The following PTRH1 variants were observed in gnomAD, a reference collection of about 807,000 sequenced individuals.
The protein encoded by PTRH1 is peptidyl-tRNA hydrolase 1 homolog.
A neutral mutation model predicts 15.7 loss-of-function variants in PTRH1; 13 were observed. The observed-to-expected ratio is 0.83, with a 90% CI of 0.54 to 1.31. The LOEUF (loss-of-function observed/expected upper bound fraction) is 1.31. Among genes scored for constraint, PTRH1 ranks in the 40% most tolerant of loss-of-function variants. PTRH1 has a pLI of 0.00. For synonymous variants in PTRH1, 139 were observed against 136.7 expected, an observed-to-expected ratio of 1.02 and a Z score of -0.12; for missense variants, 319 against 296.2, an observed-to-expected ratio of 1.08 and a Z score of -0.56.
rs147932084 is a variant in PTRH1 at position 127,699,901 on chromosome 9, T to C, written c.206-4760A>G. On this transcript the variant is annotated intron_variant, in intron 1 of 2. Coordinates refer to the PTRH1 transcript ENST00000335223. ...ACCTGGAGAAGTTACTTAACCTCAATTTTCCCATCAATATAATGGGAATAA... is the reference window on the plus strand; with the variant it reads ...ACCTGGAGAAGTTACTTAACCTCAACTTTCCCATCAATATAATGGGAATAA... 1.1e-4 allele frequency among the ~76,000 whole-genome samples: 16 copies of C among 152,122 alleles called. No homozygotes were observed. In the East Asian group the frequency reaches 3.1e-3, roughly 29 times the overall value.
downstream of PTRH1, chr9:127,711,771 C>T: frequency 6.5e-7 from 1 of 1,535,986 alleles, no homozygotes; most frequent in South Asian, 1.2e-5. Context: ...GTGTCTGCAG[C>T]TGGGGGACAG....
chr9:127,696,591 G>A (rs1035220479), intron 1 of PTRH1, among the ~76,000 whole-genome samples: 5 of 152,094 alleles, frequency 3.3e-5, no homozygotes, highest in Non-Finnish European at 5.9e-5. Context: ...GGGTGCGGAG[G>A]CTCACATCTG....
chr9:127,696,370 C>T (rs1413005895), intron 1 of PTRH1, among the ~76,000 whole-genome samples: 1 of 152,202 alleles, frequency 6.6e-6, no homozygotes, highest in African/African-American at 2.4e-5. Context: ...ATGTGCCAGG[C>T]ACTGAGTGCT....
intron 1 of PTRH1, among the ~76,000 whole-genome samples, chr9:127,697,476 A>G (rs1842570540): frequency 6.6e-6 from 1 of 152,154 alleles, no homozygotes; most frequent in African/African-American, 2.4e-5. Context: ...CCTGGCCAAC[A>G]TGGTAAAACC....
At chr9:127,710,700 A>G, downstream of PTRH1, 1 of 1,575,112 alleles carries the variant, frequency 6.3e-7, no homozygotes, top group African/African-American at 1.3e-5. Context: ...CAGGAGAATG[A>G]GTTCAGGGAC....
intron 2 of PTRH1, 108 bp downstream of exon 2, chr9:127,714,867 T>G (rs1842892769): frequency 2.8e-6 from 3 of 1,086,048 alleles, no homozygotes; most frequent in African/African-American, 1.6e-5. Flanking sequence ...CAACAGGTAC[T>G]TGGAGGTGAA....
At chr9:127,701,321 A>C (rs7047461) in intron 1 of PTRH1, among the ~76,000 whole-genome samples, 5,143 of 152,232 alleles carry the variant, frequency 0.034, 305 homozygotes, top group African/African-American at 0.12. Context: ...CACAGGTGTA[A>C]TTCTGCTACT....
At chr9:127,700,105 AAAAG>A (rs1842593096) in intron 1 of PTRH1, among the ~76,000 whole-genome samples, 1 of 152,080 alleles carries the variant, frequency 6.6e-6, no homozygotes, top group African/African-American at 2.4e-5. Context: ...AGTCAAATAA[AAAAG>A]CAACTTGGAA....
At chr9:127,710,011 C>T (rs527900254), downstream of PTRH1, among the ~76,000 whole-genome samples, 5 of 152,294 alleles carry the variant, frequency 3.3e-5, no homozygotes, top group South Asian at 6.2e-4. Context: ...GTGGCCCATG[C>T]CTGTAAAACC....
chr9:127,706,288 T>C (rs1842647071), intron 1 of PTRH1, among the ~76,000 whole-genome samples: 1 of 151,830 alleles, frequency 6.6e-6, no homozygotes. Flanking sequence ...CTCATCCCCC[T>C]GCCCCTGCCC....
At chr9:127,709,541 A>G, downstream of PTRH1, 2 of 1,614,166 alleles carry the variant, frequency 1.2e-6, no homozygotes, top group Middle Eastern at 1.6e-4. This position sits in a 1 kb window ranked among gnomAD's most constrained non-coding sequence, Gnocchi z 4.7. Context: ...CTCAACCAGC[A>G]GGTGGATGAG....
chr9:127,701,159 C>T (rs961106559), intron 1 of PTRH1, among the ~76,000 whole-genome samples: 7 of 152,204 alleles, frequency 4.6e-5, no homozygotes, highest in African/African-American at 1.7e-4. Flanking sequence ...ACCCCTTCTC[C>T]TACCTGTCTC....
chr9:127,712,861 C>T (rs1460930063), downstream of PTRH1: 1 of 1,611,418 alleles, frequency 6.2e-7, no homozygotes, highest in Non-Finnish European at 8.5e-7. Flanking sequence ...AGTCCCATGG[C>T]CCACCCAAGG....
At chr9:127,711,927 G>A, downstream of PTRH1, 2 of 1,606,170 alleles carry the variant, frequency 1.2e-6, no homozygotes, top group Non-Finnish European at 1.7e-6. Context: ...CCCTGCAGCT[G>A]CAGGTGGATA....
downstream of PTRH1, chr9:127,709,800 C>G (rs1842723594): frequency 1.6e-6 from 2 of 1,235,500 alleles, no homozygotes; most frequent in African/African-American, 3.0e-5. This position sits in a 1 kb window ranked among gnomAD's most constrained non-coding sequence, Gnocchi z 4.7. Flanking sequence ...CTGCTTGGCA[C>G]ACACTGTCTT....
At chr9:127,698,414 C>T (rs1169452643) in intron 1 of PTRH1, among the ~76,000 whole-genome samples, 1 of 152,168 alleles carries the variant, frequency 6.6e-6, no homozygotes, top group African/African-American at 2.4e-5. Flanking sequence ...AGGCCGGGCA[C>T]AATGGCTCAT....
At chr9:127,698,207 C>T (rs1016149577) in intron 1 of PTRH1, among the ~76,000 whole-genome samples, 13 of 152,128 alleles carry the variant, frequency 8.5e-5, no homozygotes, top group Non-Finnish European at 1.8e-4. Context: ...CCAGCCAAAG[C>T]AACACAGCAA....
Position 127,714,122 on chromosome 9 carries a change from T to C in PTRH1, c.623A>G (p.Gln208Arg), listed in dbSNP as rs1341652822. 1.9e-6 allele frequency: 3 copies of C among 1,613,254 alleles called. No individual in the cohort carries two copies. Among genetic ancestry groups the C allele is most frequent in the Non-Finnish European group, 2.5e-6 (3 of 1,179,754 alleles). ...LILDHIRERS[Q>R]GPSLGP ...GTGTCACGGCCCCAGTGAGGGCCCC[T>C]GGCTTCGCTCACGGATGTGGTCCAA... The change falls in exon 5 of 5, where the codon CAG becomes CGG. Residue 208 changes from glutamine to arginine, a missense_variant. Physicochemically the swap from Gln to Arg is conservative, Grantham distance 43 (BLOSUM62 1). Transcript: ENST00000543175.
chr9:127,715,535 G>T lies in PTRH1; in HGVS notation c.96+9C>A. 6.2e-7 allele frequency: 1 copy of T among 1,613,376 alleles called. No individual in the cohort carries two copies. The highest frequency in any genetic ancestry group is 1.7e-5 in the Admixed American group (1 of 60,022). The stretch of plus-strand genomic sequence containing the variant: ...GGGAGCCCCTACGTCGCCGCCCCAC[G>T]CCACTCACCATCCACCGCTTCCCCG... On this transcript the variant is annotated intron_variant, in intron 1 of 4. Coordinates refer to ENST00000543175, the MANE Select transcript of PTRH1 (RefSeq NM_001002913.3). The surrounding 1 kb of genome is among the most constrained non-coding windows in gnomAD (Gnocchi z 5.8).
Sources: gnomAD v4.1 joint callset for allele counts (sites outside exome capture counted in the v4.1 genomes callset) on GRCh38, gnomAD v4.1.1 for gene constraint, Gnocchi (gnomAD v3.1) non-coding constraint, MANE v1.5 for transcripts, NCBI Gene and HGNC (gene_info 2026-07-23, HGNC 2026-07-21) for gene names.